The following ADK variants were observed in gnomAD, a reference collection of about 807,000 sequenced individuals.
ADK encodes adenosine kinase.
ADK carries 24 observed loss-of-function variants against 44.7 expected under a neutral mutation model. That is an observed-to-expected ratio of 0.54 (90% CI 0.39 to 0.76). The LOEUF is 0.76. Ranked by LOEUF, ADK falls within the 30% of genes least tolerant of loss-of-function variation. The pLI is 0.00. For synonymous variants in ADK, 128 were observed against 142.6 expected, an observed-to-expected ratio of 0.90 and a Z score of 0.73; for missense variants, 321 against 425.1, an observed-to-expected ratio of 0.76 and a Z score of 2.15.
chr10:74,701,173 A>G (rs1564859779), intron 10 of ADK, among the ~76,000 whole-genome samples: 1 of 152,236 alleles, frequency 6.6e-6, no homozygotes, highest in Non-Finnish European at 1.5e-5. Flanking sequence ...CTCACTATAA[A>G]AGAAGGAACA....
chr10:74,433,154 C>T (rs1006292529), intron 6 of ADK, among the ~76,000 whole-genome samples: 7 of 152,152 alleles, frequency 4.6e-5, no homozygotes, highest in African/African-American at 1.7e-4. Flanking sequence ...AGTGTTTATA[C>T]TGCAAACAGT....
intron 3 of ADK, among the ~76,000 whole-genome samples, chr10:74,276,242 C>A (rs753186432): frequency 6.6e-6 from 1 of 152,164 alleles, no homozygotes; most frequent in Non-Finnish European, 1.5e-5. Context: ...AAAACCCAAC[C>A]TATCCTTCCC....
At chr10:74,654,448 A>G (rs1294933971) in intron 9 of ADK, among the ~76,000 whole-genome samples, 1 of 152,252 alleles carries the variant, frequency 6.6e-6, no homozygotes, top group Admixed American at 6.5e-5. Context: ...TTTATATGGC[A>G]TCCTCATGAG....
At chr10:74,303,785 T>C (rs991952874) in intron 3 of ADK, among the ~76,000 whole-genome samples, 1 of 151,372 alleles carries the variant, frequency 6.6e-6, no homozygotes, top group Non-Finnish European at 1.5e-5. Flanking sequence ...CTGGCCAACA[T>C]AGTGAAAACC....
chr10:74,331,562 C>G (rs1291401206), intron 4 of ADK, among the ~76,000 whole-genome samples: 1 of 152,194 alleles, frequency 6.6e-6, no homozygotes, highest in African/African-American at 2.4e-5. Flanking sequence ...CAGCTCACTG[C>G]AACTTCCGCC....
At chr10:74,411,098 A>C (rs1274867347) in intron 6 of ADK, among the ~76,000 whole-genome samples, 1 of 152,128 alleles carries the variant, frequency 6.6e-6, no homozygotes, top group African/African-American at 2.4e-5. Context: ...CAAATTTTTA[A>C]CTATCCTATT....
chr10:74,160,690 GGTGTGTGTGTGTGT>G (rs779393232), intron 1 of ADK, among the ~76,000 whole-genome samples: 2 of 136,234 alleles, frequency 1.5e-5, no homozygotes, highest in Admixed American at 7.3e-5. Context: ...TGCAGGTAGG[GGTGTGTGTGTGTGT>G]GTGTGTGTGT....
At chr10:74,260,822 A>G (rs1846012523) in intron 3 of ADK, among the ~76,000 whole-genome samples, 1 of 152,234 alleles carries the variant, frequency 6.6e-6, no homozygotes, top group African/African-American at 2.4e-5. Flanking sequence ...TAATTCTCAC[A>G]TGTGGATAAA....
chr10:74,581,594 C>G (rs1476479442), intron 7 of ADK, among the ~76,000 whole-genome samples: 1 of 151,904 alleles, frequency 6.6e-6, no homozygotes, highest in Non-Finnish European at 1.5e-5. Flanking sequence ...GCAGAAGAAA[C>G]ACTGAAAAGC....
At chr10:74,616,171 T>C (rs1852753864) in intron 9 of ADK, among the ~76,000 whole-genome samples, 1 of 152,182 alleles carries the variant, frequency 6.6e-6, no homozygotes, top group Non-Finnish European at 1.5e-5. Context: ...GTGGCTTGCC[T>C]TTTCACTCTC....
At chr10:74,405,949 C>G (rs546762891) in intron 6 of ADK, among the ~76,000 whole-genome samples, 75 of 152,230 alleles carry the variant, frequency 4.9e-4, no homozygotes, top group South Asian at 4.4e-3. Flanking sequence ...CCAGGTTTCT[C>G]TGTAAATCTT....
At chr10:74,337,795 T>G (rs1048618077) in intron 4 of ADK, among the ~76,000 whole-genome samples, 2 of 149,494 alleles carry the variant, frequency 1.3e-5, no homozygotes, top group East Asian at 3.9e-4. Context: ...AGAGTCTTGC[T>G]CTTGTAGCCC....
At chr10:74,272,433 GC>G (rs902003307) in intron 3 of ADK, among the ~76,000 whole-genome samples, 14 of 151,874 alleles carry the variant, frequency 9.2e-5, no homozygotes, top group African/African-American at 2.9e-4. Context: ...GCACTACCAT[GC>G]CGGGTTAACT....
chr10:74,475,835 G>A (rs1846815497), intron 6 of ADK, among the ~76,000 whole-genome samples: 1 of 150,824 alleles, frequency 6.6e-6, no homozygotes, highest in Non-Finnish European at 1.5e-5. Context: ...AGGGAGGGAG[G>A]GAGGGAAGGT....
intron 6 of ADK, chr10:74,509,505 G>C (rs1290224910): frequency 6.6e-6 from 1 of 152,192 alleles, no homozygotes; most frequent in Admixed American, 6.5e-5. Flanking sequence ...ATGATGTTTT[G>C]ATACCTGTAA....
intron 10 of ADK, among the ~76,000 whole-genome samples, chr10:74,682,013 C>T (rs542554634): frequency 6.7e-4 from 102 of 152,112 alleles, no homozygotes; most frequent in African/African-American, 2.4e-3. Flanking sequence ...CAGAAGCATA[C>T]GCTAAACTTT....
chr10:74,171,109 C>T (rs1842150602), intron 1 of ADK, among the ~76,000 whole-genome samples: 1 of 151,988 alleles, frequency 6.6e-6, no homozygotes, highest in Admixed American at 6.6e-5. Flanking sequence ...TCTGTGGAAA[C>T]ATTTTATAAT....
chr10:74,555,261 A>G (rs560812402), intron 7 of ADK, among the ~76,000 whole-genome samples: 1 of 152,336 alleles, frequency 6.6e-6, no homozygotes, highest in South Asian at 2.1e-4. Context: ...CCTTGTCTCA[A>G]TAATAATAAC....
At chr10:74,697,004 T>C (rs1856232903) in intron 10 of ADK, among the ~76,000 whole-genome samples, 1 of 152,320 alleles carries the variant, frequency 6.6e-6, no homozygotes, top group South Asian at 2.1e-4. Flanking sequence ...AGGTGAACAA[T>C]GTACTACCTA....
Sources: gnomAD v4.1 joint callset for allele counts (sites outside exome capture counted in the v4.1 genomes callset) on GRCh38, gnomAD v4.1.1 for gene constraint, MANE v1.5 for transcripts, NCBI Gene and HGNC (gene_info 2026-07-23, HGNC 2026-07-21) for gene names.